Variants in TYW1 observed in about 807,000 individuals in gnomAD.
The protein encoded by TYW1 is S-adenosyl-L-methionine-dependent tRNA 4-demethylwyosine synthase TYW1.
Under a neutral mutation model 96.2 loss-of-function variants are expected in TYW1, and 46 were observed. That is an observed-to-expected ratio of 0.48 (90% CI 0.38 to 0.61). The LOEUF is 0.61. Ranked by LOEUF, TYW1 falls within the 20% of genes least tolerant of loss-of-function variation. The pLI is 0.00. For missense variants in TYW1, 684 were observed against 909.6 expected (o/e 0.75, Z 3.19); for synonymous variants, 274 against 323.0 (o/e 0.85, Z 1.63).
intron 12 of TYW1, among the ~76,000 whole-genome samples, chr7:67,109,955 CA>C (rs1797351825): frequency 6.6e-6 from 1 of 152,090 alleles, no homozygotes; most frequent in Admixed American, 6.6e-5. Flanking sequence ...TGGGAGGGGG[CA>C]AAACAGAGTG....
At chr7:67,085,393 G>A (rs1185231009) in intron 11 of TYW1, among the ~76,000 whole-genome samples, 6 of 152,100 alleles carry the variant, frequency 3.9e-5, no homozygotes, top group African/African-American at 1.4e-4. Context: ...GTTTTATGAG[G>A]GGCTCTTCCC....
At chr7:67,160,700 T>G (rs1387725295) in intron 13 of TYW1, among the ~76,000 whole-genome samples, 1 of 150,674 alleles carries the variant, frequency 6.6e-6, no homozygotes, top group Non-Finnish European at 1.5e-5. Context: ...CAAGCAATTC[T>G]CCTGCCTCAG....
At chr7:67,166,812 T>C (rs1799347378) in intron 13 of TYW1, among the ~76,000 whole-genome samples, 1 of 152,096 alleles carries the variant, frequency 6.6e-6, no homozygotes, top group African/African-American at 2.4e-5. Flanking sequence ...GATGAATAAT[T>C]GCACTAATAA....
rs559138474 is a variant in TYW1, at chr7:67,207,642, T to C, written c.1977+12305T>C. 3.9e-5 allele frequency among the ~76,000 whole-genome samples: 6 copies of C among 151,984 alleles called. No individual in the cohort carries two copies. The South Asian group carries it at 1.2e-3, about 32-fold the overall frequency. On this transcript the variant is annotated intron_variant, in intron 15 of 15. Coordinates refer to ENST00000359626, the MANE Select transcript of TYW1 (RefSeq NM_018264.4). The stretch of plus-strand genomic sequence containing the variant: ...AAGTAGAACATTGAAAATTCCCCAG[T>C]TGTGACATTTGTTTATCTACTTCAC...
intron 15 of TYW1, among the ~76,000 whole-genome samples, chr7:67,235,943 C>T (rs924152440): frequency 3.3e-5 from 5 of 149,788 alleles, no homozygotes; most frequent in East Asian, 1.9e-4. Flanking sequence ...ACTGGGCCCT[C>T]GCATGTCCTG....
At chr7:67,145,750 TTTTG>T (rs1410034003) in intron 13 of TYW1, among the ~76,000 whole-genome samples, 8 of 144,396 alleles carry the variant, frequency 5.5e-5, no homozygotes, top group Non-Finnish European at 1.1e-4. Flanking sequence ...GATTTTTATG[TTTTG>T]TTTGTTTGGG....
chr7:67,174,160 A>T (rs1799593760), intron 13 of TYW1, among the ~76,000 whole-genome samples: 1 of 151,422 alleles, frequency 6.6e-6, no homozygotes, highest in Admixed American at 6.6e-5. Flanking sequence ...CTCTTGGGAT[A>T]TTCTGAATTT....
intron 14 of TYW1, among the ~76,000 whole-genome samples, chr7:67,186,631 C>T (rs189433222): frequency 1.3e-3 from 202 of 150,598 alleles, no homozygotes; most frequent in Non-Finnish European, 1.8e-3. Flanking sequence ...GGATGACAGA[C>T]GCACACCACC....
At position 67,024,940 on chromosome 7, in the gene TYW1, G is replaced by T; in HGVS notation, c.902G>T (p.Gly301Val). Residue 301 changes from glycine to valine, a missense_variant, in exon 7 of 16, where the codon GGT becomes GTT. Coordinates refer to ENST00000359626, the MANE Select transcript of TYW1 (RefSeq NM_018264.4). ...PFESSSEEEFGGEDHQSLNSI... is the reference protein window; with the variant it reads ...PFESSSEEEFVGEDHQSLNSI... ...GAGAGCTCCAGTGAAGAAGAGTTTG[G>T]TGGTGAGGACCATCAGAGCCTAAAT... 1.9e-6 allele frequency: 3 copies of T among 1,613,898 alleles called. No homozygotes were observed. Among genetic ancestry groups the T allele is most frequent in the Non-Finnish European group, 2.5e-6 (3 of 1,179,838 alleles).
chr7:67,213,663 T>C (rs1240785032), intron 15 of TYW1, among the ~76,000 whole-genome samples: 1 of 152,244 alleles, frequency 6.6e-6, no homozygotes, highest in African/African-American at 2.4e-5. Context: ...TTATGTTTTA[T>C]GGTTAAGTCT....
At chr7:67,140,748 A>G (rs1429814791) in intron 13 of TYW1, among the ~76,000 whole-genome samples, 6 of 152,238 alleles carry the variant, frequency 3.9e-5, no homozygotes, top group Non-Finnish European at 5.9e-5. Context: ...GTTCATATCT[A>G]GTAATTTCCC....
At chr7:67,174,985 T>C (rs1779728935) in intron 13 of TYW1, among the ~76,000 whole-genome samples, 2 of 151,652 alleles carry the variant, frequency 1.3e-5, no homozygotes, top group Non-Finnish European at 2.9e-5. Context: ...GGACTTATAA[T>C]TGTTAAATAA....
intron 3 of TYW1, 93 bp from the exon 4 acceptor site, chr7:67,009,490 T>C (rs546961300): frequency 3.2e-5 from 35 of 1,091,184 alleles, no homozygotes; most frequent in Admixed American, 4.7e-5. Flanking sequence ...ATATTTTTCA[T>C]GAGGAATGCC....
chr7:67,052,885 G>C (rs1483316514), intron 8 of TYW1, among the ~76,000 whole-genome samples: 11 of 151,576 alleles, frequency 7.3e-5, no homozygotes, highest in East Asian at 3.9e-4. Context: ...GAGTAATTGC[G>C]TGCCCACTAC....
At chr7:67,044,863 A>G in intron 7 of TYW1, among the ~76,000 whole-genome samples, 1 of 151,610 alleles carries the variant, frequency 6.6e-6, no homozygotes, top group Non-Finnish European at 1.5e-5. Flanking sequence ...CAGGTTATCC[A>G]CCCACCTCCA....
At position 67,170,058 on chromosome 7, in the gene TYW1, T is replaced by C. The variant is rs547971800; in HGVS notation, c.1699-13068T>C. Among the ~76,000 whole-genome samples, 8 of 152,322 alleles carry C rather than the reference T, an allele frequency of 5.3e-5. No homozygotes were observed. The East Asian group carries it at 9.6e-4, about 18-fold the overall frequency. ...AATGCAAGGTGACAGAGATTTACCT[T>C]ATGTTTTCTTCCAAGAGTTTTATTG... is the stretch of plus-strand genomic sequence containing the variant. On this transcript the variant is annotated intron_variant, in intron 13 of 15. Transcript: ENST00000359626.
rs1378027283 is a variant in TYW1, at chr7:67,024,895, T to G, written c.862-5T>G. The G allele has an allele frequency of 6.2e-7, 1 of 1,613,808 alleles. No individual in the cohort carries two copies. The highest frequency in any genetic ancestry group is 1.1e-5 in the South Asian group (1 of 91,050). On this transcript the variant is annotated splice_region_variant and splice_polypyrimidine_tract_variant and intron_variant, in intron 6 of 15. Transcript: ENST00000359626. Reference sequence around the variant, plus strand: ...CAATGTATTTCTGAAGCATTTCTCTTCCAGGAGGAAGAACCCTTTGAGAGC... The same window carrying G: ...CAATGTATTTCTGAAGCATTTCTCTGCCAGGAGGAAGAACCCTTTGAGAGC...
At chr7:67,126,009 C>T (rs538004906) in intron 13 of TYW1, among the ~76,000 whole-genome samples, 1 of 152,134 alleles carries the variant, frequency 6.6e-6, no homozygotes, top group Non-Finnish European at 1.5e-5. Context: ...ATTTTGAACC[C>T]AGCTGCTATA....
At chr7:67,008,647 C>G (rs539915142) in intron 3 of TYW1, among the ~76,000 whole-genome samples, 22 of 152,226 alleles carry the variant, frequency 1.4e-4, no homozygotes, top group African/African-American at 4.8e-4. Context: ...TCTTTTCACT[C>G]TTCACTCTTT....
Sources: allele counts gnomAD v4.1 joint callset (sites outside exome capture counted in the v4.1 genomes callset), GRCh38; gene constraint gnomAD v4.1.1; transcripts MANE v1.5; gene names NCBI Gene and HGNC (gene_info 2026-07-23, HGNC 2026-07-21).